The following RBBP7 variants were observed in gnomAD, a reference collection of about 807,000 sequenced individuals.
RBBP7 encodes the protein histone-binding protein RBBP7.
In RBBP7, 5 loss-of-function variants were observed where a neutral mutation model predicts 35.2. The ratio of observed to expected loss-of-function variants is 0.14; its 90% CI spans 0.07 to 0.30. The LOEUF (loss-of-function observed/expected upper bound fraction) is 0.30, where lower values mean the gene tolerates loss of function less well. RBBP7 is among the 10% of genes least tolerant of loss of function. The pLI is 1.00. For synonymous variants in RBBP7, 140 were observed against 118.7 expected (o/e 1.18, Z -1.17); for missense variants, 155 against 327.5 (o/e 0.47, Z 4.07).
chrX:16,849,278 G>A lies in RBBP7; in HGVS notation c.1064C>T (p.Ala355Val). 1 of 1,209,833 alleles carries A rather than the reference G, an allele frequency of 8.3e-7. No individual in the cohort carries two copies. The highest frequency in any genetic ancestry group is 1.1e-6 in the Non-Finnish European group (1 of 894,455). ...DLSKIGEEQS[A>V]EDAEDGPPEL... ...TGGAGGCCCATCTTCTGCATCTTCT[G>A]CTGATTGTTCTTCCCCAATTTTACT... The change falls in exon 10 of 12, where the codon GCA becomes GTA. Residue 355 changes from alanine (A) to valine (V), a missense_variant. This residue lies in a region of RBBP7 where 79 missense variants were observed against 220.8 expected (regional missense o/e 0.36). Coordinates refer to ENST00000380087, the MANE Select transcript of RBBP7 (RefSeq NM_002893.4).
chrX:16,870,106 C>T lies in RBBP7; in HGVS notation c.-53G>A, dbSNP rs1930746629. The T allele has an allele frequency of 1.9e-6, 2 of 1,060,338 alleles. No individual in the cohort carries two copies. Among genetic ancestry groups the T allele is most frequent in the Admixed American group, 6.8e-5 (2 of 29,563 alleles). The allele number at this position is 1,060,338 out of a possible 1,213,427, so 87.4% of individuals were successfully genotyped here. A position where few individuals can be genotyped will look rare whatever the true frequency, so the allele number is the denominator to read the frequency against. ...GCCGCCTCGGACTCCTCTCGTTAGC[C>T]AAGAGCAGCCCGACCGCTGGCGCTC... On this transcript the variant is annotated 5_prime_UTR_variant, in exon 1 of 12. Transcript: ENST00000380087.
intron 4 of RBBP7, 32 bp downstream of exon 4, chrX:16,858,644 T>C (rs1476894271): frequency 8.4e-7 from 1 of 1,190,570 alleles, no homozygotes; most frequent in African/African-American, 1.8e-5. Flanking sequence ...AGAAAACTGC[T>C]CAAGTAATGA....
rs762369480 is a variant in RBBP7, at chrX:16,852,732, T to C, written c.885+17A>G. The stretch of plus-strand genomic sequence containing the variant: ...ACTGGGTTTTATAAACACCAAATAA[T>C]GCAAAAACTTCGAAACCTTATCCGC... On this transcript the variant is annotated intron_variant, in intron 7 of 11. Transcript: ENST00000380087. The C allele has an allele frequency of 1.1e-5, 13 of 1,212,015 alleles. No homozygotes were observed. In the Admixed American group the frequency reaches 2.8e-4, roughly 26 times the overall value.
In RBBP7 at chrX:16,849,225, T is replaced by C; in HGVS notation, c.1098+19A>G. On this transcript the variant is annotated intron_variant, in intron 10 of 11. Coordinates refer to ENST00000380087, the MANE Select transcript of RBBP7 (RefSeq NM_002893.4). ...CCAATCTGCATATGACATTTCATCT[T>C]CTATAAGCCAATGCGTACCAGGAGT... 1 of 1,200,733 alleles carries C rather than the reference T, an allele frequency of 8.3e-7. No individual in the cohort carries two copies. The highest frequency in any genetic ancestry group is 3.0e-5 in the East Asian group (1 of 33,728).
At chrX:16,866,640 A>G (rs760082111) in intron 2 of RBBP7, among the ~76,000 whole-genome samples, 1 of 110,567 alleles carries the variant, frequency 9.0e-6, no homozygotes, top group Non-Finnish European at 1.9e-5. Flanking sequence ...CAATTGAAGG[A>G]CAATAGCTAA....
intron 10 of RBBP7, chrX:16,846,335 TAC>T (rs765588306): frequency 5.1e-5 from 6 of 118,639 alleles, no homozygotes; most frequent in African/African-American, 1.9e-4. Context: ...TTTGCTCATA[TAC>T]AGTTAGGTGC....
At chrX:16,865,063 C>CAAAAAAAAAAAAAA (rs34381419) in intron 2 of RBBP7, among the ~76,000 whole-genome samples, 2 of 24,554 alleles carry the variant, frequency 8.1e-5, no homozygotes, top group African/African-American at 1.7e-4. Context: ...GACCCTGTCT[C>CAAAAAAAAAAAAAA]AAAAAAAAAA....
chrX:16,852,226 T>C, intron 8 of RBBP7, 104 bp from the exon 9 acceptor site: 2 of 762,506 alleles, frequency 2.6e-6, no homozygotes, highest in Non-Finnish European at 4.0e-6. Flanking sequence ...TCTATTATCT[T>C]ATCCTTGGCC....
At chrX:16,859,253 CA>C (rs752040214) in intron 3 of RBBP7, among the ~76,000 whole-genome samples, 1 of 112,372 alleles carries the variant, frequency 8.9e-6, no homozygotes, top group South Asian at 3.7e-4. Context: ...TAGGATTCAT[CA>C]AAACAGGAAA....
Position 16,852,163 on chromosome X carries a change from C to G in RBBP7, c.964-41G>C, listed in dbSNP as rs759980622. ...TTTGAAAATGTATTTAAAGAATCAT[C>G]CGCTGCTAGGTTTGTGGCTGTTGTT... On this transcript the variant is annotated intron_variant, in intron 8 of 11. Coordinates refer to ENST00000380087, the MANE Select transcript of RBBP7 (RefSeq NM_002893.4). 3.9e-6 allele frequency: 4 copies of G among 1,034,857 alleles called. No individual in the cohort carries two copies. In the Admixed American group the frequency reaches 8.8e-5, roughly 23 times the overall value. 85.3% of individuals were successfully genotyped at this position (1,034,857 alleles called of 1,213,427 possible).
intron 3 of RBBP7, among the ~76,000 whole-genome samples, chrX:16,861,326 T>C (rs1930472530): frequency 8.9e-6 from 1 of 112,078 alleles, no homozygotes; most frequent in African/African-American, 3.2e-5. Flanking sequence ...GAATACACCA[T>C]ACAACCTAGC....
rs1450541752 is a variant in RBBP7 at position 16,870,209 on chromosome X, G to A, written c.-156C>T. On this transcript the variant is annotated 5_prime_UTR_variant, in exon 1 of 12. Coordinates refer to ENST00000380087, the MANE Select transcript of RBBP7 (RefSeq NM_002893.4). ...CTTGCTGCCTGGGTGCTCCCCAGAC[G>A]CCGCGTCCTTCTTTCCTGCCTCCTC... 57 of 711,366 alleles carry A rather than the reference G, an allele frequency of 8.0e-5. No individual in the cohort carries two copies. Among genetic ancestry groups the A allele is most frequent in the Non-Finnish European group, 9.7e-5 (56 of 579,757 alleles). 58.6% of individuals were successfully genotyped at this position (711,366 alleles called of 1,213,427 possible). A position where few individuals can be genotyped will look rare whatever the true frequency, so the allele number is the denominator to read the frequency against.
chrX:16,869,859 A>T, intron 1 of RBBP7, 179 bp downstream of exon 1: 1 of 848,624 alleles, frequency 1.2e-6, no homozygotes, highest in Non-Finnish European at 1.4e-6. Context: ...AAGTGCTCGG[A>T]GCCCTCGGCG....
intron 2 of RBBP7, among the ~76,000 whole-genome samples, chrX:16,864,177 C>A (rs1475363898): frequency 1.8e-5 from 2 of 110,603 alleles, no homozygotes; most frequent in African/African-American, 6.6e-5. Context: ...CAGACACACT[C>A]CCCCCAAAAC....
At chrX:16,864,627 T>G (rs1433281349) in intron 2 of RBBP7, among the ~76,000 whole-genome samples, 1 of 110,322 alleles carries the variant, frequency 9.1e-6, no homozygotes, top group African/African-American at 3.3e-5. Context: ...AAAAATTAAT[T>G]AATTCCATCT....
At position 16,844,490 on chromosome X, in the gene RBBP7, A is replaced by AGAT. The variant is rs1336681336; in HGVS notation, c.*542_*544dup. 1.8e-5 allele frequency: 2 copies of AGAT among 111,660 alleles called. No homozygotes were observed. The highest frequency in any genetic ancestry group is 6.5e-5 in the African/African-American group (2 of 30,653). 9.2% of individuals were successfully genotyped at this position (111,660 alleles called of 1,213,427 possible). On this transcript the variant is annotated 3_prime_UTR_variant, in exon 12 of 12. Transcript: ENST00000380087. ...TGATTTTATCTACTTGATTCTGTAT[A>AGAT]GATTAAGTAAATATGTATGATAAAC...
intron 1 of RBBP7, chrX:16,869,570 C>T: frequency 8.6e-7 from 1 of 1,166,771 alleles, no homozygotes; most frequent in Non-Finnish European, 1.1e-6. Context: ...GTAGCAGAAG[C>T]CCACAGGCCT....
At chrX:16,858,113 T>C (rs1162086546) in intron 4 of RBBP7, among the ~76,000 whole-genome samples, 1 of 111,364 alleles carries the variant, frequency 9.0e-6, no homozygotes, top group East Asian at 2.8e-4. Context: ...CACTGACTGA[T>C]AAAGTTTTGT....
intron 5 of RBBP7, among the ~76,000 whole-genome samples, chrX:16,854,510 C>A (rs1003060368): frequency 2.7e-5 from 3 of 111,270 alleles, no homozygotes; most frequent in African/African-American, 9.8e-5. Context: ...AACACAAATG[C>A]ACATCCTAAA....
Sources: gnomAD v4.1 joint callset for allele counts (sites outside exome capture counted in the v4.1 genomes callset) on GRCh38, gnomAD v4.1.1 for gene constraint, gnomAD v4.1.1 regional missense constraint, MANE v1.5 for transcripts, NCBI Gene and HGNC (gene_info 2026-07-23, HGNC 2026-07-21) for gene names.